The following SHISA9 variants were observed in gnomAD, a reference collection of about 807,000 sequenced individuals.
The protein encoded by SHISA9 is shisa family member 9.
In SHISA9, 13 loss-of-function variants were observed where a neutral mutation model predicts 38.0. The observed-to-expected ratio is 0.34, with a 90% confidence interval of 0.22 to 0.54. The LOEUF is 0.54. Among genes scored for constraint, SHISA9 ranks in the 20% least tolerant of loss-of-function variants. The pLI is 0.91. For missense variants in SHISA9, 538 were observed against 575.8 expected (o/e 0.93, Z 0.67); for synonymous variants, 275 against 242.0 (o/e 1.14, Z -1.27).
chr16:13,144,475 A>G (rs928253679), intron 2 of SHISA9, among the ~76,000 whole-genome samples: 3 of 151,970 alleles, frequency 2.0e-5, no homozygotes, highest in African/African-American at 4.8e-5. Context: ...AACATCACCT[A>G]TCTCTGCTCT....
At chr16:12,908,097 G>C (rs1379249497) in intron 1 of SHISA9, among the ~76,000 whole-genome samples, 3 of 152,206 alleles carry the variant, frequency 2.0e-5, no homozygotes, top group Admixed American at 2.0e-4. Flanking sequence ...CACTGAGACA[G>C]GGCTTGGAAA....
chr16:13,379,351 T>C, the SHISA9 span, among the ~76,000 whole-genome samples: 1 of 152,220 alleles, frequency 6.6e-6, no homozygotes, highest in Non-Finnish European at 1.5e-5. Context: ...GTGATTAAGA[T>C]GGATGCAGCA....
intron 2 of SHISA9, among the ~76,000 whole-genome samples, chr16:12,965,914 T>C (rs1169434628): frequency 6.6e-6 from 1 of 152,224 alleles, no homozygotes; most frequent in Non-Finnish European, 1.5e-5. Context: ...GTGCTTATCT[T>C]AGGAATAGAA....
At chr16:13,219,144 A>T (rs976546108) in intron 4 of SHISA9, among the ~76,000 whole-genome samples, 5 of 152,190 alleles carry the variant, frequency 3.3e-5, no homozygotes. Flanking sequence ...TGAATGCGCA[A>T]AGAGGGTTCT....
chr16:13,038,335 C>T (rs1028894569), intron 2 of SHISA9, among the ~76,000 whole-genome samples: 2 of 152,190 alleles, frequency 1.3e-5, no homozygotes, highest in Admixed American at 1.3e-4. Flanking sequence ...CCATCTCTCT[C>T]CCTTTCCTCC....
At chr16:13,165,875 A>T (rs571005446) in intron 2 of SHISA9, among the ~76,000 whole-genome samples, 1 of 152,314 alleles carries the variant, frequency 6.6e-6, no homozygotes, top group East Asian at 1.9e-4. Context: ...CTCTATAAAA[A>T]CAGTGGGAAG....
At chr16:13,262,896 A>G in the SHISA9 span, among the ~76,000 whole-genome samples, 3 of 152,220 alleles carry the variant, frequency 2.0e-5, no homozygotes, top group Middle Eastern at 3.4e-3. Flanking sequence ...AGCATTAACT[A>G]TCTACTCTCT....
intron 2 of SHISA9, among the ~76,000 whole-genome samples, chr16:13,106,809 G>A (rs1458208809): frequency 6.6e-6 from 1 of 152,206 alleles, no homozygotes; most frequent in Non-Finnish European, 1.5e-5. Flanking sequence ...TAAATAGTGA[G>A]CTGTGTAGCC....
the SHISA9 span, among the ~76,000 whole-genome samples, chr16:13,383,836 G>T: frequency 6.6e-6 from 1 of 151,982 alleles, no homozygotes; most frequent in Non-Finnish European, 1.5e-5. Flanking sequence ...GTTGGTAGAG[G>T]TAGAGATGGG....
intron 2 of SHISA9, among the ~76,000 whole-genome samples, chr16:13,188,046 T>TG (rs1199389664): frequency 1.3e-5 from 2 of 152,176 alleles, no homozygotes; most frequent in African/African-American, 4.8e-5. Context: ...ATCTTTATTT[T>TG]GGGGGAAAAG....
At chr16:13,483,115 GA>G in the SHISA9 span, among the ~76,000 whole-genome samples, 1 of 152,306 alleles carries the variant, frequency 6.6e-6, no homozygotes, top group East Asian at 1.9e-4. Flanking sequence ...ACATGTGGGT[GA>G]ATAAAGTGTC....
intron 2 of SHISA9, among the ~76,000 whole-genome samples, chr16:13,096,223 A>T (rs1381896058): frequency 2.0e-5 from 3 of 152,202 alleles, no homozygotes; most frequent in African/African-American, 7.2e-5. Context: ...GGCCTTGTTT[A>T]TAGTAGACAC....
At chr16:13,403,910 G>T in the SHISA9 span, among the ~76,000 whole-genome samples, 1 of 152,268 alleles carries the variant, frequency 6.6e-6, no homozygotes, top group Admixed American at 6.5e-5. Context: ...AACATGGTGG[G>T]TCTTCTGATG....
Position 13,235,040 on chromosome 16 carries a change from C to A in SHISA9, c.906C>A (p.Val302=), listed in dbSNP as rs1229722900. The part of the protein sequence containing the change: ...STLKSPKADK[V]NDDFYTKRRH... Reference sequence around the variant, plus strand: ...CGTTCCGATGTGTAGCTGACAAGGTCAATGACGACTTCTACACCAAGCGAC... The same window carrying A: ...CGTTCCGATGTGTAGCTGACAAGGTAAATGACGACTTCTACACCAAGCGAC... Residue 302 remains valine (V), a synonymous_variant, in exon 5 of 5, where the codon GTC becomes GTA. Coordinates refer to ENST00000558583, the MANE Select transcript of SHISA9 (RefSeq NM_001145204.3). The A allele has an allele frequency of 6.5e-7, 1 of 1,546,358 alleles. No homozygotes were observed. Among genetic ancestry groups the A allele is most frequent in the South Asian group, 1.2e-5 (1 of 83,674 alleles).
At chr16:13,179,364 G>A (rs979206014) in intron 2 of SHISA9, among the ~76,000 whole-genome samples, 1 of 152,148 alleles carries the variant, frequency 6.6e-6, no homozygotes, top group Non-Finnish European at 1.5e-5. Flanking sequence ...TGTCTGTTGA[G>A]TGCTGGCTCT....
the SHISA9 span, among the ~76,000 whole-genome samples, chr16:13,364,041 G>A: frequency 6.6e-6 from 1 of 152,174 alleles, no homozygotes; most frequent in African/African-American, 2.4e-5. Context: ...CTGATCTGAG[G>A]GATGGAGCTA....
chr16:13,307,615 C>G, the SHISA9 span, among the ~76,000 whole-genome samples: 1 of 152,204 alleles, frequency 6.6e-6, no homozygotes, highest in African/African-American at 2.4e-5. Flanking sequence ...AATGACTAAT[C>G]AGACAAAAGT....
the SHISA9 span, among the ~76,000 whole-genome samples, chr16:13,298,455 A>G: frequency 1.7e-4 from 26 of 152,188 alleles, no homozygotes; most frequent in Admixed American, 1.1e-3. Flanking sequence ...TAAAAGTGTT[A>G]TATGGATTAT....
At chr16:12,944,574 T>C (rs1349101995) in intron 2 of SHISA9, among the ~76,000 whole-genome samples, 2 of 152,080 alleles carry the variant, frequency 1.3e-5, no homozygotes, top group African/African-American at 4.8e-5. Context: ...AGCTGGAGAA[T>C]GGGATGTTGG....
Sources: gnomAD v4.1 joint callset for allele counts (sites outside exome capture counted in the v4.1 genomes callset) on GRCh38, gnomAD v4.1.1 for gene constraint, MANE v1.5 for transcripts, NCBI Gene and HGNC (gene_info 2026-07-23, HGNC 2026-07-21) for gene names.